The following NEXN variants were observed in gnomAD, a reference collection of about 807,000 sequenced individuals.
The protein encoded by NEXN is nexilin F-actin binding protein.
A neutral mutation model predicts 92.6 loss-of-function variants in NEXN; 65 were observed. That is an observed-to-expected ratio of 0.70 (90% CI 0.57 to 0.86). The LOEUF is 0.86. Among genes scored for constraint, NEXN ranks in the 40% least tolerant of loss-of-function variants. The probability of loss-of-function intolerance (pLI) is 0.00; values close to 1 mark genes in which losing one functional copy is unlikely to be tolerated. For missense variants in NEXN, 778 were observed against 771.1 expected, an observed-to-expected ratio of 1.01 and a Z score of -0.11; for synonymous variants, 254 against 242.5, an observed-to-expected ratio of 1.05 and a Z score of -0.44.
At chr1:77,924,914 C>T (rs983735593) in intron 5 of NEXN, among the ~76,000 whole-genome samples, 2 of 152,194 alleles carry the variant, frequency 1.3e-5, no homozygotes, top group Non-Finnish European at 2.9e-5. Flanking sequence ...TCCACCTTGG[C>T]TTCCCAAAGT....
At chr1:77,925,504 A>T (rs2102120586) in intron 6 of NEXN, among the ~76,000 whole-genome samples, 1 of 152,314 alleles carries the variant, frequency 6.6e-6, no homozygotes, top group African/African-American at 2.4e-5. Context: ...AAGACAACGT[A>T]TTTTTTGAAC....
intron 6 of NEXN, among the ~76,000 whole-genome samples, chr1:77,925,596 A>C (rs1261865642): frequency 1.3e-5 from 2 of 152,190 alleles, no homozygotes; most frequent in African/African-American, 4.8e-5. Flanking sequence ...CTTTCCTCAG[A>C]GTTCCTGAGA....
intron 1 of NEXN, among the ~76,000 whole-genome samples, chr1:77,915,469 A>C (rs1328267027): frequency 6.6e-6 from 1 of 152,106 alleles, no homozygotes; most frequent in East Asian, 1.9e-4. Context: ...CTCTACTAAA[A>C]ATACAAAAAA....
chr1:77,901,243 C>T (rs577003993), intron 1 of NEXN, among the ~76,000 whole-genome samples: 4 of 152,168 alleles, frequency 2.6e-5, no homozygotes, highest in African/African-American at 4.8e-5. Flanking sequence ...ACAACATCAC[C>T]GTAGTTTGAA....
At chr1:77,890,077 A>AT (rs1361058696) in intron 1 of NEXN, among the ~76,000 whole-genome samples, 3 of 152,180 alleles carry the variant, frequency 2.0e-5, no homozygotes, top group Non-Finnish European at 4.4e-5. Context: ...AAAATGCATA[A>AT]TTAATCAAAT....
At chr1:77,930,442 T>C (rs1022750475) in intron 9 of NEXN, among the ~76,000 whole-genome samples, 7 of 152,212 alleles carry the variant, frequency 4.6e-5, no homozygotes, top group Non-Finnish European at 8.8e-5. Context: ...CAACTCCTCA[T>C]TAACTTGCTT....
At chr1:77,890,456 A>G (rs1647079600) in intron 1 of NEXN, among the ~76,000 whole-genome samples, 13 of 152,176 alleles carry the variant, frequency 8.5e-5, no homozygotes, top group Admixed American at 8.5e-4. Flanking sequence ...GCTATTTTTG[A>G]AAATTTGACA....
chr1:77,923,011 T>C (rs1281595946), intron 5 of NEXN, among the ~76,000 whole-genome samples: 1 of 146,858 alleles, frequency 6.8e-6, no homozygotes, highest in Admixed American at 6.8e-5. Context: ...GTCTTTTTTT[T>C]TTTTTTTTTT....
At chr1:77,898,953 A>G (rs1299921225) in intron 1 of NEXN, among the ~76,000 whole-genome samples, 2 of 152,250 alleles carry the variant, frequency 1.3e-5, no homozygotes, top group Non-Finnish European at 2.9e-5. Context: ...CAAAACCACA[A>G]TGAGATACCA....
At chr1:77,933,718 CTATT>C (rs1359570370) in intron 10 of NEXN, among the ~76,000 whole-genome samples, 18 of 152,260 alleles carry the variant, frequency 1.2e-4, no homozygotes, top group African/African-American at 3.9e-4. Context: ...TGAGCTATTA[CTATT>C]TATTTATATT....
chr1:77,898,459 TGTA>T (rs1647414849), intron 1 of NEXN, among the ~76,000 whole-genome samples: 2 of 152,192 alleles, frequency 1.3e-5, no homozygotes, highest in South Asian at 4.1e-4. Context: ...GCTAGCCATA[TGTA>T]GAAAGCTGAA....
chr1:77,899,411 A>G (rs1228391011), intron 1 of NEXN, among the ~76,000 whole-genome samples: 4 of 152,106 alleles, frequency 2.6e-5, no homozygotes, highest in Non-Finnish European at 4.4e-5. Context: ...CGCAAGGACA[A>G]AAAACCAAAC....
At chr1:77,908,054 G>A (rs1648255575) in intron 1 of NEXN, among the ~76,000 whole-genome samples, 1 of 152,018 alleles carries the variant, frequency 6.6e-6, no homozygotes, top group Admixed American at 6.6e-5. Flanking sequence ...TTCGAGACCA[G>A]CCTGGGCAAC....
intron 1 of NEXN, among the ~76,000 whole-genome samples, chr1:77,889,845 C>T (rs1375124133): frequency 6.6e-6 from 1 of 152,156 alleles, no homozygotes; most frequent in Non-Finnish European, 1.5e-5. Flanking sequence ...GGCCCATTGG[C>T]CTTCGAGTCA....
At position 77,889,116 on chromosome 1, in the gene NEXN, G is replaced by GA. The variant is rs1647043076; in HGVS notation, c.-53+358dup. On this transcript the variant is annotated intron_variant, in intron 1 of 12. Transcript: ENST00000334785. The stretch of plus-strand genomic sequence containing the variant: ...TTTCGGGTGCGTTCCCTACTGTAGG[G>GA]AGGGAGCCCTCTGTGAGCGGAGTGG... The GA allele has an allele frequency of 3.9e-5, 6 of 152,750 alleles. No homozygotes were observed. The South Asian group carries it at 8.3e-4, about 21-fold the overall frequency. 9.5% of individuals were successfully genotyped at this position (152,750 alleles called of 1,614,324 possible).
At position 77,908,619 on chromosome 1, in the gene NEXN, C is replaced by T. The variant is rs1330624876; in HGVS notation, c.-52-7436C>T. Among the ~76,000 whole-genome samples the T allele has an allele frequency of 6.6e-5, 10 of 151,858 alleles. No homozygotes were observed. In the East Asian group the frequency reaches 9.7e-4, roughly 15 times the overall value. On this transcript the variant is annotated intron_variant, in intron 1 of 12. Coordinates refer to ENST00000334785, the MANE Select transcript of NEXN (RefSeq NM_144573.4). ...TTCTTCATGTTGGTCAGGCTGGTCT[C>T]GAACACCTGAACTCAGGTGATCTGC...
chr1:77,942,304 C>T (rs1452627231), intron 12 of NEXN, 96 bp downstream of exon 12: 1 of 1,435,646 alleles, frequency 7.0e-7, no homozygotes, highest in African/African-American at 1.4e-5. Flanking sequence ...TAATGGTTTT[C>T]TTTCAAGTCA....
At chr1:77,904,461 T>A (rs1007991318) in intron 1 of NEXN, among the ~76,000 whole-genome samples, 30 of 152,198 alleles carry the variant, frequency 2.0e-4, no homozygotes, top group African/African-American at 6.8e-4. Flanking sequence ...ATAGACAGTT[T>A]GTTAAGAGAA....
chr1:77,925,745 C>T (rs925571944), intron 6 of NEXN, among the ~76,000 whole-genome samples: 1 of 151,976 alleles, frequency 6.6e-6, no homozygotes, highest in African/African-American at 2.4e-5. Flanking sequence ...GATGGTGTGC[C>T]CAAAACTACA....
Sources: gnomAD v4.1 joint callset for allele counts (sites outside exome capture counted in the v4.1 genomes callset) on GRCh38, gnomAD v4.1.1 for gene constraint, MANE v1.5 for transcripts, NCBI Gene and HGNC (gene_info 2026-07-23, HGNC 2026-07-21) for gene names.